The following ZFYVE19 variants were observed in gnomAD, a reference collection of about 807,000 sequenced individuals.
ZFYVE19 encodes abscission/NoCut checkpoint regulator.
In ZFYVE19, 49 loss-of-function variants were observed where a neutral mutation model predicts 62.8. The observed-to-expected ratio is 0.78, with a 90% CI of 0.62 to 0.99. The LOEUF (loss-of-function observed/expected upper bound fraction) is 0.99. Ranked by LOEUF, ZFYVE19 falls within the 50% of genes least tolerant of loss-of-function variation. The pLI, the probability that ZFYVE19 is intolerant of heterozygous loss-of-function variation, is 0.00. For synonymous variants in ZFYVE19, 242 were observed against 234.3 expected, an observed-to-expected ratio of 1.03 and a Z score of -0.30; for missense variants, 630 against 601.9, an observed-to-expected ratio of 1.05 and a Z score of -0.49.
At position 40,813,932 on chromosome 15, in the gene ZFYVE19, G is replaced by T; in HGVS notation, c.1210-11G>T. 6.2e-7 allele frequency: 1 copy of T among 1,600,710 alleles called. No individual in the cohort carries two copies. The highest frequency in any genetic ancestry group is 1.1e-5 in the South Asian group (1 of 88,922). ...TACCTTACTTCCTCCATTCCTCTCT[G>T]ATCCCTGAAGGCCCAGGATGTGGAC... On this transcript the variant is annotated splice_polypyrimidine_tract_variant and intron_variant, in intron 9 of 10. Transcript: ENST00000355341.
At chr15:40,808,051 G>A (rs531940120) in intron 1 of ZFYVE19, 183 bp downstream of exon 1, 1 of 1,051,394 alleles carries the variant, frequency 9.5e-7, no homozygotes, top group South Asian at 1.4e-5. Flanking sequence ...CAGGGTTTAT[G>A]TGAGGGTCCA....
intron 6 of ZFYVE19, 30 bp from the exon 7 acceptor site, chr15:40,812,669 C>T (rs781108451): frequency 1.2e-5 from 19 of 1,586,670 alleles, no homozygotes; most frequent in Admixed American, 6.7e-5. Context: ...TGGGATGTCT[C>T]GGCCTTGCTG....
At chr15:40,808,326 C>A (rs1172948991) in intron 1 of ZFYVE19, 1 of 1,597,898 alleles carries the variant, frequency 6.3e-7, no homozygotes, top group Non-Finnish European at 8.5e-7. Flanking sequence ...ATGGTGAAGG[C>A]TGACTGTCCT....
In ZFYVE19 at chr15:40,807,615, C is replaced by G. The variant is rs534190263; in HGVS notation, c.26C>G (p.Pro9Arg). 2.2e-5 allele frequency: 35 copies of G among 1,612,858 alleles called. No homozygotes were observed. The African/African-American group carries it at 3.7e-4, about 17-fold the overall frequency. MNYDSQQP[P>R]LPPLPYAGCR... is the part of the protein sequence containing the mutation. ...ATGAACTACGACTCCCAGCAGCCCC[C>G]GTTGCCGCCGCTGCCGTACGCTGGC... The change falls in exon 1 of 11, where the codon CCG (proline) becomes CGG (arginine). Residue 9 changes from proline (P) to arginine (R), a missense_variant. Transcript: ENST00000355341.
chr15:40,811,850 C>A (rs374066915), intron 6 of ZFYVE19, among the ~76,000 whole-genome samples: 1 of 152,194 alleles, frequency 6.6e-6, no homozygotes, highest in African/African-American at 2.4e-5. Context: ...GATTTTAAAC[C>A]TCTTGCTCTG....
At chr15:40,810,610 C>A in intron 5 of ZFYVE19, 39 bp from the exon 6 acceptor site, 1 of 1,550,160 alleles carries the variant, frequency 6.5e-7, no homozygotes, top group South Asian at 1.2e-5. Flanking sequence ...TGCTTCTGGG[C>A]TACCCCTGCT....
chr15:40,807,445 A>C lies in ZFYVE19; in HGVS notation c.-145A>C. 6.8e-6 allele frequency: 11 copies of C among 1,614,222 alleles called. No homozygotes were observed. Among genetic ancestry groups the C allele is most frequent in the Non-Finnish European group, 9.3e-6 (11 of 1,180,028 alleles). On this transcript the variant is annotated 5_prime_UTR_variant, in exon 1 of 11. It removes an upstream start codon present in the reference 5' UTR. Coordinates refer to ENST00000355341, the MANE Select transcript of ZFYVE19 (RefSeq NM_001077268.2). The stretch of plus-strand genomic sequence containing the variant: ...CTGTAAGAGCTCCTTGGTCACTGCC[A>C]TGGTTCCGGCCTGACGGATTCGTAC...
chr15:40,813,710 C>G lies in ZFYVE19; in HGVS notation c.1111-3C>G, dbSNP rs772257099. Reference sequence around the variant, plus strand: ...GAGTAGTACATCTTCACCCTGTCCGCAGCTCACTGAAGAAGCTTCCCTGGA... The same window carrying G: ...GAGTAGTACATCTTCACCCTGTCCGGAGCTCACTGAAGAAGCTTCCCTGGA... On this transcript the variant is annotated splice_region_variant and splice_polypyrimidine_tract_variant and intron_variant, in intron 8 of 10. Coordinates refer to ENST00000355341, the MANE Select transcript of ZFYVE19 (RefSeq NM_001077268.2). The G allele has an allele frequency of 6.2e-7, 1 of 1,612,564 alleles. No individual in the cohort carries two copies. The highest frequency in any genetic ancestry group is 2.2e-5 in the East Asian group (1 of 44,868).
chr15:40,814,012 G>A lies in ZFYVE19; in HGVS notation c.1279G>A (p.Asp427Asn), dbSNP rs776378770. 1 of 1,613,874 alleles carries A rather than the reference G, an allele frequency of 6.2e-7. No homozygotes were observed. Among genetic ancestry groups the A allele is most frequent in the Non-Finnish European group, 8.5e-7 (1 of 1,179,964 alleles). ...ELPWCCICNE[D>N]ATLRCAGCDG... The stretch of plus-strand genomic sequence containing the variant: ...CCCCTGGTGCTGCATCTGCAATGAG[G>A]ATGCCACCCTACGCTGCGCTGGCTG... The change falls in exon 10 of 11, where the codon GAT (aspartate) becomes AAT (asparagine). Residue 427 changes from aspartate (D) to asparagine (N), a missense_variant. Transcript: ENST00000355341.
Position 40,807,503 on chromosome 15 carries a change from A to T in ZFYVE19, c.-87A>T. On this transcript the variant is annotated 5_prime_UTR_variant, in exon 1 of 11. Coordinates refer to ENST00000355341, the MANE Select transcript of ZFYVE19 (RefSeq NM_001077268.2). ...CCCAAGAGTCTAAGCGCGCGTGAGG[A>T]CTGCAGGCTCCGAGCGGCGCCTAGC... The T allele has an allele frequency of 6.2e-7, 1 of 1,610,724 alleles. No homozygotes were observed. The highest frequency in any genetic ancestry group is 8.5e-7 in the Non-Finnish European group (1 of 1,177,472).
In ZFYVE19 at chr15:40,807,762, G is replaced by A. The variant is rs771027209; in HGVS notation, c.173G>A (p.Gly58Glu). The A allele has an allele frequency of 3.2e-5, 51 of 1,586,450 alleles. No individual in the cohort carries two copies. The highest frequency in any genetic ancestry group is 3.9e-5 in the Non-Finnish European group (46 of 1,170,448). Reference protein sequence around the residue: ...RSWGEGPRGPGLGRRDLSSAD... With the variant: ...RSWGEGPRGPELGRRDLSSAD... ...TGGGGTGAGGGTCCAAGGGGCCCAG[G>A]ACTTGGCCGGCGTGATCTCAGCTCT... The change falls in exon 1 of 11, where the codon GGA becomes GAA. Residue 58 changes from glycine (G) to glutamate (E), a missense_variant. Gly to Glu is a moderately conservative substitution (Grantham distance 98). Transcript: ENST00000355341.
intron 6 of ZFYVE19, among the ~76,000 whole-genome samples, chr15:40,811,876 G>C (rs1284372569): frequency 6.6e-6 from 1 of 152,216 alleles, no homozygotes; most frequent in Non-Finnish European, 1.5e-5. Flanking sequence ...CTAAACTGAA[G>C]GTGACTGTGT....
intron 8 of ZFYVE19, 139 bp from the exon 9 acceptor site, chr15:40,813,574 A>G: frequency 8.9e-7 from 1 of 1,127,234 alleles, no homozygotes; most frequent in Non-Finnish European, 1.3e-6. Flanking sequence ...GTCCCTGGAG[A>G]TAGGGAATCA....
intron 7 of ZFYVE19, 29 bp downstream of exon 7, chr15:40,812,931 G>A: frequency 6.2e-7 from 1 of 1,603,672 alleles, no homozygotes; most frequent in Non-Finnish European, 8.5e-7. Flanking sequence ...CTGCTCACTG[G>A]TATCCCTTGG....
intron 1 of ZFYVE19, chr15:40,808,153 CA>C: frequency 8.3e-7 from 1 of 1,206,784 alleles, no homozygotes; most frequent in African/African-American, 2.1e-5. Context: ...CCCAGTGTAG[CA>C]TCTGGCGGTT....
At position 40,807,611 on chromosome 15, in the gene ZFYVE19, C is replaced by G. The variant is rs201515693; in HGVS notation, c.22C>G (p.Pro8Ala). The change falls in exon 1 of 11, where the codon CCC (proline) becomes GCC (alanine). Residue 8 changes from proline to alanine, a missense_variant. Coordinates refer to ENST00000355341, the MANE Select transcript of ZFYVE19 (RefSeq NM_001077268.2). ...GTGAATGAACTACGACTCCCAGCAG[C>G]CCCCGTTGCCGCCGCTGCCGTACGC... Reference protein sequence around the residue: MNYDSQQPPLPPLPYAGC... With the variant: MNYDSQQAPLPPLPYAGC... 5.0e-6 allele frequency: 8 copies of G among 1,612,740 alleles called. No individual in the cohort carries two copies. The East Asian group carries it at 1.1e-4, about 22-fold the overall frequency.
chr15:40,807,387 C>A lies in ZFYVE19; in HGVS notation c.-203C>A, dbSNP rs940038454. On this transcript the variant is annotated 5_prime_UTR_variant, in exon 1 of 11. Coordinates refer to ENST00000355341, the MANE Select transcript of ZFYVE19 (RefSeq NM_001077268.2). The stretch of plus-strand genomic sequence containing the variant: ...TTCTCACCTCTTTGTCCGCTGCCTT[C>A]TCCTCAATGCCTAGCAGCGCGTACA... 1.2e-6 allele frequency: 2 copies of A among 1,614,268 alleles called. No homozygotes were observed. The highest frequency in any genetic ancestry group is 1.7e-6 in the Non-Finnish European group (2 of 1,180,048).
chr15:40,811,401 T>C, intron 6 of ZFYVE19, among the ~76,000 whole-genome samples: 1 of 152,226 alleles, frequency 6.6e-6, no homozygotes, highest in East Asian at 1.9e-4. Context: ...TAGAGACTTT[T>C]TGGTTGTCAC....
Position 40,814,008 on chromosome 15 carries a change from T to A in ZFYVE19, c.1275T>A (p.Asn425Lys). ...AGCTCCCCTGGTGCTGCATCTGCAA[T>A]GAGGATGCCACCCTACGCTGCGCTG... is the stretch of plus-strand genomic sequence containing the variant. ...EEELPWCCICNEDATLRCAGC... is the reference protein window; with the variant it reads ...EEELPWCCICKEDATLRCAGC... Residue 425 changes from asparagine to lysine, a missense_variant, in exon 10 of 11, where the codon AAT becomes AAA. Physicochemically the swap from Asn to Lys is moderately conservative, Grantham distance 94. Coordinates refer to ENST00000355341, the MANE Select transcript of ZFYVE19 (RefSeq NM_001077268.2). The A allele has an allele frequency of 2.5e-6, 4 of 1,613,964 alleles. No homozygotes were observed. The highest frequency in any genetic ancestry group is 3.4e-6 in the Non-Finnish European group (4 of 1,179,930).
Sources: allele counts gnomAD v4.1 joint callset (sites outside exome capture counted in the v4.1 genomes callset), GRCh38; gene constraint gnomAD v4.1.1; transcripts MANE v1.5; gene names NCBI Gene and HGNC (gene_info 2026-07-23, HGNC 2026-07-21).